The following KIZ variants were observed in gnomAD, a reference collection of about 807,000 sequenced individuals.
The protein encoded by KIZ is kizuna centrosomal protein, also known as centrosomal protein kizuna.
Under a neutral mutation model 79.6 loss-of-function variants are expected in KIZ, and 68 were observed. The observed-to-expected ratio is 0.85, with a 90% CI of 0.70 to 1.05. The LOEUF is 1.05. Among genes scored for constraint, KIZ ranks in the 50% least tolerant of loss-of-function variants. KIZ has a pLI of 0.00. For synonymous variants in KIZ, 280 were observed against 281.8 expected, an observed-to-expected ratio of 0.99 and a Z score of 0.06; for missense variants, 797 against 800.4, an observed-to-expected ratio of 1.00 and a Z score of 0.05.
chr20:21,146,356 C>G (rs897542452), intron 4 of KIZ, among the ~76,000 whole-genome samples: 2 of 152,188 alleles, frequency 1.3e-5, no homozygotes, highest in African/African-American at 4.8e-5. Flanking sequence ...AGCATCACTC[C>G]ATTATTCAGA....
chr20:21,207,815 A>C (rs1314000459), intron 7 of KIZ, among the ~76,000 whole-genome samples: 1 of 151,862 alleles, frequency 6.6e-6, no homozygotes, highest in Non-Finnish European at 1.5e-5. Context: ...GGTTCAAGCA[A>C]TTCTCCTGCC....
Position 21,136,496 on chromosome 20 carries a change from G to A in KIZ, c.259G>A (p.Val87Ile). The stretch of plus-strand genomic sequence containing the variant: ...AGAATATTTAAAGCGATTTGAGCGT[G>A]TCCAAGCTCATGTTGTACACTTCAC... ...NQEYLKRFER[V>I]QAHVVHFTTN... Residue 87 changes from valine (V) to isoleucine (I), a missense_variant, in exon 3 of 13, where the codon GTC becomes ATC. Physicochemically the swap from Val to Ile is conservative, Grantham distance 29. Transcript: ENST00000619189. 1 of 1,602,674 alleles carries A rather than the reference G, an allele frequency of 6.2e-7. No homozygotes were observed. The highest frequency in any genetic ancestry group is 8.5e-7 in the Non-Finnish European group (1 of 1,173,548).
intron 3 of KIZ, among the ~76,000 whole-genome samples, chr20:21,139,518 A>C (rs1326668425): frequency 6.6e-6 from 1 of 152,204 alleles, no homozygotes. Context: ...TCATGGAGAA[A>C]ATGAAAGTGA....
At chr20:21,208,112 G>T (rs925279189) in intron 7 of KIZ, among the ~76,000 whole-genome samples, 1 of 152,132 alleles carries the variant, frequency 6.6e-6, no homozygotes, top group Non-Finnish European at 1.5e-5. Context: ...CTTGTTCACT[G>T]CAAGTACATC....
chr20:21,144,412 C>T (rs764212650), intron 3 of KIZ, among the ~76,000 whole-genome samples: 10 of 152,130 alleles, frequency 6.6e-5, no homozygotes, highest in Admixed American at 1.3e-4. Context: ...AAAATGTAAA[C>T]ATCTCTAAGT....
chr20:21,201,798 C>G (rs927081245), intron 6 of KIZ, among the ~76,000 whole-genome samples: 1 of 152,078 alleles, frequency 6.6e-6, no homozygotes, highest in Non-Finnish European at 1.5e-5. Flanking sequence ...CCTTTAAATC[C>G]TTTGTACCAC....
intron 4 of KIZ, among the ~76,000 whole-genome samples, chr20:21,161,408 T>A (rs577138506): frequency 2.0e-5 from 3 of 152,236 alleles, no homozygotes; most frequent in African/African-American, 7.2e-5. Context: ...CTCGGCTGAC[T>A]GCAGCCTCTG....
chr20:21,197,857 T>C (rs1320941370), intron 6 of KIZ: 6 of 152,192 alleles, frequency 3.9e-5, no homozygotes, highest in Admixed American at 6.5e-5. Context: ...GTAATCACAA[T>C]GGCATTCTGA....
intron 1 of KIZ, among the ~76,000 whole-genome samples, chr20:21,127,911 G>A (rs2031585438): frequency 6.6e-6 from 1 of 151,932 alleles, no homozygotes; most frequent in Non-Finnish European, 1.5e-5. Flanking sequence ...GGGCCTTAAA[G>A]TAAAAAAAGA....
intron 9 of KIZ, chr20:21,218,198 A>G (rs1208324455): frequency 6.6e-6 from 1 of 152,212 alleles, no homozygotes; most frequent in Admixed American, 6.5e-5. Context: ...TCCAATTTCC[A>G]CTTAGTCCCA....
intron 11 of KIZ, 55 bp downstream of exon 11, chr20:21,232,885 C>T (rs145435888): frequency 7.9e-5 from 62 of 781,250 alleles, no homozygotes; most frequent in Middle Eastern, 2.2e-4. Context: ...AATGTCACAG[C>T]GCAATGAATT....
chr20:21,234,453 T>A lies in KIZ; in HGVS notation c.1880+1623T>A, dbSNP rs148113557. Among the ~76,000 whole-genome samples the A allele has an allele frequency of 2.6e-3, 401 of 151,958 alleles. 2 individuals carry two copies. Among genetic ancestry groups the A allele is most frequent in the African/African-American group, 9.1e-3 (377 of 41,508 alleles). Reference sequence around the variant, plus strand: ...GGTCTGGGTCCAGAGTGCGTGGGTTTGGCGTGCTGTTTGTCACGGTTTGGT... The same window carrying A: ...GGTCTGGGTCCAGAGTGCGTGGGTTAGGCGTGCTGTTTGTCACGGTTTGGT... On this transcript the variant is annotated intron_variant, in intron 11 of 12. Transcript: ENST00000619189.
chr20:21,185,074 G>A (rs1238329790), intron 6 of KIZ, among the ~76,000 whole-genome samples: 1 of 152,144 alleles, frequency 6.6e-6, no homozygotes, highest in African/African-American at 2.4e-5. Context: ...GTGTGTGTGT[G>A]TGTCTGTGTG....
At chr20:21,160,101 C>T (rs1229224322) in intron 4 of KIZ, among the ~76,000 whole-genome samples, 1 of 152,204 alleles carries the variant, frequency 6.6e-6, no homozygotes, top group Non-Finnish European at 1.5e-5. Flanking sequence ...ATACCAGAAG[C>T]AGGACTCAGT....
At chr20:21,208,031 A>G (rs191717161) in intron 7 of KIZ, among the ~76,000 whole-genome samples, 122 of 152,214 alleles carry the variant, frequency 8.0e-4, no homozygotes, top group African/African-American at 2.6e-3. Flanking sequence ...CGTAGATCTT[A>G]AGAAAGATAC....
intron 3 of KIZ, among the ~76,000 whole-genome samples, chr20:21,141,844 C>G (rs977613880): frequency 2.1e-4 from 32 of 149,416 alleles, no homozygotes; most frequent in Non-Finnish European, 3.8e-4. Flanking sequence ...CTCTCTCTCT[C>G]TCTCTGTGTT....
chr20:21,180,017 A>G (rs1213817759), intron 6 of KIZ, among the ~76,000 whole-genome samples: 1 of 152,208 alleles, frequency 6.6e-6, no homozygotes, highest in African/African-American at 2.4e-5. Flanking sequence ...GCACTTGAGA[A>G]GAATGCTATT....
At position 21,162,443 on chromosome 20, in the gene KIZ, A is replaced by G. The variant is rs2033721079; in HGVS notation, c.978A>G (p.Ser326=). 1 of 1,613,228 alleles carries G rather than the reference A, an allele frequency of 6.2e-7. No homozygotes were observed. The highest frequency in any genetic ancestry group is 8.5e-7 in the Non-Finnish European group (1 of 1,179,388). Residue 326 remains serine (S), a synonymous_variant, in exon 5 of 13, where the codon TCA becomes TCG. Transcript: ENST00000619189. The part of the protein sequence containing the change: ...ASPPVSPIPV[S]EYCESENKWS... ...CGCCAGTCTCTCCGATACCAGTTTCAGAATACTGTGAATCTGAAAATAAGT... is the reference window on the plus strand; with the variant it reads ...CGCCAGTCTCTCCGATACCAGTTTCGGAATACTGTGAATCTGAAAATAAGT...
At chr20:21,213,403 A>G (rs2036154263) in intron 7 of KIZ, 1 of 152,232 alleles carries the variant, frequency 6.6e-6, no homozygotes, top group Non-Finnish European at 1.5e-5. Context: ...CATTGTTAAC[A>G]CTTCACTCTT....
Sources: gnomAD v4.1 joint callset for allele counts (sites outside exome capture counted in the v4.1 genomes callset) on GRCh38, gnomAD v4.1.1 for gene constraint, MANE v1.5 for transcripts, NCBI Gene and HGNC (gene_info 2026-07-23, HGNC 2026-07-21) for gene names.